PREX2: variants seen among roughly 807,000 people sequenced by gnomAD.
The protein encoded by PREX2 is phosphatidylinositol-3,4,5-trisphosphate dependent Rac exchange factor 2.
In PREX2, 107 loss-of-function variants were observed where a neutral mutation model predicts 203.2. The observed-to-expected ratio is 0.53, with a 90% confidence interval of 0.45 to 0.62. The LOEUF is 0.62. Among genes scored for constraint, PREX2 ranks in the 20% least tolerant of loss-of-function variants. The pLI is 0.00. For missense variants in PREX2, 1,777 were observed against 1,955.9 expected, an observed-to-expected ratio of 0.91 and a Z score of 1.72; for synonymous variants, 672 against 663.6, an observed-to-expected ratio of 1.01 and a Z score of -0.19.
intron 31 of PREX2, among the ~76,000 whole-genome samples, chr8:68,131,059 C>T (rs373260410): frequency 4.7e-4 from 72 of 152,298 alleles, no homozygotes; most frequent in South Asian, 1.7e-3. Context: ...GACTGCTGAG[C>T]GGTACTGTGT....
chr8:68,101,636 G>A (rs933368506), intron 23 of PREX2, among the ~76,000 whole-genome samples: 4 of 152,158 alleles, frequency 2.6e-5, no homozygotes, highest in African/African-American at 9.7e-5. Flanking sequence ...AAACGAAAAT[G>A]CTAAACAAAT....
At chr8:68,173,384 A>G (rs1172429470) in intron 35 of PREX2, among the ~76,000 whole-genome samples, 3 of 152,210 alleles carry the variant, frequency 2.0e-5, no homozygotes, top group East Asian at 1.9e-4. Flanking sequence ...TTGAAATTGT[A>G]GTGACACTTT....
intron 30 of PREX2, among the ~76,000 whole-genome samples, chr8:68,123,229 G>A (rs1251048293): frequency 1.3e-5 from 2 of 152,038 alleles, no homozygotes; most frequent in Non-Finnish European, 2.9e-5. Flanking sequence ...CTGGGACACA[G>A]CTAAGGCAAT....
Position 68,224,529 on chromosome 8 carries a change from A to G in PREX2, c.4708-30A>G, listed in dbSNP as rs532644867. 3.2e-4 allele frequency: 494 copies of G among 1,564,236 alleles called. 16 individuals carry two copies. In the South Asian group the frequency reaches 3.5e-3, roughly 11 times the overall value. On this transcript the variant is annotated intron_variant, in intron 38 of 39. Coordinates refer to ENST00000288368, the MANE Select transcript of PREX2 (RefSeq NM_024870.4). ...TGTTAAATTATTACTAACACACTGTAGGGATAAAAGTGATTTTCCTGACTT... is the reference window on the plus strand; with the variant it reads ...TGTTAAATTATTACTAACACACTGTGGGGATAAAAGTGATTTTCCTGACTT...
intron 37 of PREX2, among the ~76,000 whole-genome samples, chr8:68,193,058 T>TTATCTTAGGCAACTGTGGTC (rs1812328567): frequency 6.6e-6 from 1 of 152,150 alleles, no homozygotes; most frequent in Non-Finnish European, 1.5e-5. Flanking sequence ...TTCAGGTGGT[T>TTATCTTAGGCAACTGTGGTC]TATCTTAGGC....
At chr8:68,029,179 T>C (rs1425089428) in intron 5 of PREX2, among the ~76,000 whole-genome samples, 1 of 152,174 alleles carries the variant, frequency 6.6e-6, no homozygotes, top group Non-Finnish European at 1.5e-5. Context: ...TTTGTGGAGC[T>C]TGAAATTATT....
intron 23 of PREX2, chr8:68,106,028 C>T (rs922849827): frequency 2.1e-5 from 4 of 194,142 alleles, no homozygotes; most frequent in Non-Finnish European, 4.2e-5. Context: ...CATTGTTTTT[C>T]CTGTGGTGCC....
intron 35 of PREX2, among the ~76,000 whole-genome samples, chr8:68,179,091 G>C: frequency 6.6e-6 from 1 of 152,072 alleles, no homozygotes; most frequent in East Asian, 1.9e-4. Context: ...TGTGCATGAT[G>C]ATGGTGCAAC....
At chr8:68,135,112 TG>T (rs1410830143) in intron 32 of PREX2, among the ~76,000 whole-genome samples, 6 of 152,074 alleles carry the variant, frequency 3.9e-5, no homozygotes, top group Admixed American at 3.9e-4. Context: ...TGTGTGTGTG[TG>T]TGTGTGTGTG....
chr8:68,135,099 TTGTG>T (rs9298129), intron 32 of PREX2, among the ~76,000 whole-genome samples: 1,789 of 148,774 alleles, frequency 0.012, 20 homozygotes, highest in Non-Finnish European at 0.021. Context: ...AAAACAAATT[TTGTG>T]TGTGTGTGTG....
intron 1 of PREX2, among the ~76,000 whole-genome samples, chr8:67,974,747 T>A (rs1452330715): frequency 6.6e-6 from 1 of 152,214 alleles, no homozygotes; most frequent in Non-Finnish European, 1.5e-5. Flanking sequence ...GTTATGATGA[T>A]CCTCCTAACC....
chr8:68,105,530 A>C (rs1225331647), intron 23 of PREX2: 1 of 1,150,470 alleles, frequency 8.7e-7, no homozygotes, highest in Non-Finnish European at 1.1e-6. Context: ...CGATTACTCC[A>C]TTAACACTTC....
intron 1 of PREX2, among the ~76,000 whole-genome samples, chr8:67,974,740 A>C (rs75587100): frequency 0.012 from 1,849 of 152,314 alleles, 41 homozygotes; most frequent in African/African-American, 0.042. Flanking sequence ...ATGAATAGTT[A>C]TGATGATCCT....
At chr8:68,201,991 C>T (rs1349491524) in intron 37 of PREX2, among the ~76,000 whole-genome samples, 1 of 150,556 alleles carries the variant, frequency 6.6e-6, no homozygotes, top group Non-Finnish European at 1.5e-5. Context: ...ACTGCAACCT[C>T]CACCTCCTGG....
At chr8:68,004,030 AT>A (rs1807022822) in intron 1 of PREX2, among the ~76,000 whole-genome samples, 1 of 151,506 alleles carries the variant, frequency 6.6e-6, no homozygotes, top group Admixed American at 6.6e-5. Context: ...TAATTTTTGT[AT>A]TTTTAATAGA....
rs187119545 is a variant in PREX2 at position 68,146,189 on chromosome 8, A to G, written c.4088-20A>G. On this transcript the variant is annotated intron_variant, in intron 33 of 39. Transcript: ENST00000288368. ...ATATCCTTATTTTAGGAAGTAATAT[A>G]CTATTAAATATCATTTTAGATGTTC... 5.6e-4 allele frequency: 872 copies of G among 1,564,432 alleles called. No individual in the cohort carries two copies. The highest frequency in any genetic ancestry group is 4.3e-4 in the Non-Finnish European group (493 of 1,142,762).
At chr8:67,959,588 A>G (rs748420543) in intron 1 of PREX2, among the ~76,000 whole-genome samples, 1 of 152,190 alleles carries the variant, frequency 6.6e-6, no homozygotes, top group Non-Finnish European at 1.5e-5. Flanking sequence ...CCCCCATGGC[A>G]CTGGGAGATA....
intron 11 of PREX2, among the ~76,000 whole-genome samples, chr8:68,061,956 A>G (rs1808868694): frequency 6.6e-6 from 1 of 152,168 alleles, no homozygotes; most frequent in Non-Finnish European, 1.5e-5. Context: ...GAGGAGAAAA[A>G]GCCAGGGAAT....
At chr8:68,139,609 G>T (rs574698136) in intron 33 of PREX2, among the ~76,000 whole-genome samples, 3 of 152,196 alleles carry the variant, frequency 2.0e-5, no homozygotes, top group African/African-American at 7.2e-5. Flanking sequence ...AAGGGCAGAA[G>T]CCCAGTGATC....
Sources: gnomAD v4.1 joint callset for allele counts (sites outside exome capture counted in the v4.1 genomes callset) on GRCh38, gnomAD v4.1.1 for gene constraint, MANE v1.5 for transcripts, NCBI Gene and HGNC (gene_info 2026-07-23, HGNC 2026-07-21) for gene names.